BCAS3: variants seen among roughly 807,000 people sequenced by gnomAD.
The protein encoded by BCAS3 is BCAS3 microtubule associated cell migration factor.
A neutral mutation model predicts 116.1 loss-of-function variants in BCAS3; 53 were observed. The ratio of observed to expected loss-of-function variants is 0.46; its 90% CI spans 0.37 to 0.57. The LOEUF is 0.57. Among genes scored for constraint, BCAS3 ranks in the 20% least tolerant of loss-of-function variants. The probability of loss-of-function intolerance (pLI) is 0.00; values close to 1 mark genes in which losing one functional copy is unlikely to be tolerated. For synonymous variants in BCAS3, 391 were observed against 408.2 expected, an observed-to-expected ratio of 0.96 and a Z score of 0.51; for missense variants, 917 against 1,165.4, an observed-to-expected ratio of 0.79 and a Z score of 3.10.
At chr17:60,695,848 C>G (rs1177734056) in intron 4 of BCAS3, among the ~76,000 whole-genome samples, 2 of 152,154 alleles carry the variant, frequency 1.3e-5, no homozygotes, top group Non-Finnish European at 2.9e-5. Context: ...ATCCTCCTGC[C>G]TCAGCCTCCT....
At chr17:60,679,618 C>G in intron 2 of BCAS3, 78 bp downstream of exon 2, 3 of 1,173,258 alleles carry the variant, frequency 2.6e-6, no homozygotes, top group Non-Finnish European at 3.8e-6. Flanking sequence ...TCTTTATGAA[C>G]AGTGGTTACT....
intron 22 of BCAS3, among the ~76,000 whole-genome samples, chr17:61,133,681 A>G (rs895181491): frequency 6.6e-6 from 1 of 152,130 alleles, no homozygotes; most frequent in African/African-American, 2.4e-5. Context: ...CTGGCTTCAA[A>G]CAGGCATATT....
intron 11 of BCAS3, among the ~76,000 whole-genome samples, chr17:60,904,079 T>TG (rs1428388328): frequency 2.6e-5 from 4 of 152,170 alleles, no homozygotes; most frequent in Non-Finnish European, 5.9e-5. Flanking sequence ...GCTGTGGACA[T>TG]GCTGGAGTGA....
chr17:61,186,836 A>G lies in BCAS3; in HGVS notation c.2425+102272A>G, dbSNP rs12942843. ...CGCCATTCTCTTGCCTCAGCCTCCCAAGTAGCTGGGAGTACAGGCACCCGC... is the reference window on the plus strand; with the variant it reads ...CGCCATTCTCTTGCCTCAGCCTCCCGAGTAGCTGGGAGTACAGGCACCCGC... On this transcript the variant is annotated intron_variant, in intron 22 of 23. Transcript: ENST00000407086. This position sits in a 1 kb window ranked among gnomAD's most constrained non-coding sequence, Gnocchi z 4.9. Among the ~76,000 whole-genome samples, 107,507 of 151,730 alleles carry G rather than the reference A, an allele frequency of 0.71. 39,109 individuals are homozygous for G. The highest frequency in any genetic ancestry group is 0.87 in the South Asian group (4,180 of 4,814).
chr17:61,139,722 T>C lies in BCAS3; in HGVS notation c.2425+55158T>C, dbSNP rs905615696. Among the ~76,000 whole-genome samples, 2 of 152,204 alleles carry C rather than the reference T, an allele frequency of 1.3e-5. No individual in the cohort carries two copies. Among genetic ancestry groups the C allele is most frequent in the African/African-American group, 4.8e-5 (2 of 41,452 alleles). On this transcript the variant is annotated intron_variant, in intron 22 of 23. Transcript: ENST00000407086. This position sits in a 1 kb window ranked among gnomAD's most constrained non-coding sequence, Gnocchi z 4.7. ...TAAAAAATGAAGAAGGCATGCTCCC[T>C]GGCCCCCAGAAACTTGGAATTCAGT... is the stretch of plus-strand genomic sequence containing the variant.
intron 12 of BCAS3, among the ~76,000 whole-genome samples, chr17:60,911,358 G>C (rs186108131): frequency 6.6e-6 from 1 of 152,180 alleles, no homozygotes; most frequent in Non-Finnish European, 1.5e-5. Context: ...GAGTGCAGTG[G>C]CACGATCTTG....
chr17:61,165,759 T>A (rs1483670024), intron 22 of BCAS3, among the ~76,000 whole-genome samples: 4 of 152,216 alleles, frequency 2.6e-5, no homozygotes, highest in Admixed American at 2.0e-4. Context: ...GTTATCCTAC[T>A]ATTTTTTCAA....
chr17:61,380,124 C>T lies in BCAS3; in HGVS notation c.2593+11630C>T. 4.1e-6 allele frequency: 1 copy of T among 241,654 alleles called. No individual in the cohort carries two copies. Among genetic ancestry groups the T allele is most frequent in the South Asian group, 5.8e-5 (1 of 17,226 alleles). 15.0% of individuals were successfully genotyped at this position (241,654 alleles called of 1,614,324 possible). On this transcript the variant is annotated intron_variant, in intron 23 of 23. Transcript: ENST00000407086. The surrounding 1 kb of genome is among the most constrained non-coding windows in gnomAD (Gnocchi z 4.2). Reference sequence around the variant, plus strand: ...TCTAAGCAGCCCAACCACACACTGCCATGCAGCTTTGAACTTCAGACCTGG... The same window carrying T: ...TCTAAGCAGCCCAACCACACACTGCTATGCAGCTTTGAACTTCAGACCTGG...
Position 61,087,923 on chromosome 17 carries a change from C to A in BCAS3, c.2425+3359C>A, listed in dbSNP as rs1158891876. Among the ~76,000 whole-genome samples, 3 of 152,170 alleles carry A rather than the reference C, an allele frequency of 2.0e-5. No homozygotes were observed. The highest frequency in any genetic ancestry group is 4.8e-5 in the African/African-American group (2 of 41,430). On this transcript the variant is annotated intron_variant, in intron 22 of 23. Transcript: ENST00000407086. The surrounding 1 kb of genome is among the most constrained non-coding windows in gnomAD (Gnocchi z 4.6). ...ACCAGCTGGGCGCAGTGGATCACAACTATAATCCTAGCACTTTGGGAGGCC... is the reference window on the plus strand; with the variant it reads ...ACCAGCTGGGCGCAGTGGATCACAAATATAATCCTAGCACTTTGGGAGGCC...
intron 22 of BCAS3, among the ~76,000 whole-genome samples, chr17:61,170,023 T>A (rs892574547): frequency 1.3e-5 from 2 of 151,456 alleles, no homozygotes; most frequent in Non-Finnish European, 2.9e-5. Context: ...CCTGGCTGAT[T>A]TTTGTATTTT....
chr17:60,741,563 G>A (rs184637487), intron 5 of BCAS3, among the ~76,000 whole-genome samples: 115 of 152,246 alleles, frequency 7.6e-4, no homozygotes, highest in Non-Finnish European at 1.6e-3. Flanking sequence ...CCCTCATGGA[G>A]GGCCATTATA....
rs571673793 is a variant in BCAS3 at position 61,095,591 on chromosome 17, C to T, written c.2425+11027C>T. On this transcript the variant is annotated intron_variant, in intron 22 of 23. Transcript: ENST00000407086. The surrounding 1 kb of genome is among the most constrained non-coding windows in gnomAD (Gnocchi z 4.7). ...AAGTGCTTCTCCTGCCTCAGCCTCCCGAGTAGCTGGGACTCCAGGCATGCA... is the reference window on the plus strand; with the variant it reads ...AAGTGCTTCTCCTGCCTCAGCCTCCTGAGTAGCTGGGACTCCAGGCATGCA... Among the ~76,000 whole-genome samples, 65 of 151,998 alleles carry T rather than the reference C, an allele frequency of 4.3e-4. No individual in the cohort carries two copies. Among genetic ancestry groups the T allele is most frequent in the African/African-American group, 1.4e-3 (60 of 41,458 alleles).
chr17:61,007,854 G>C lies in BCAS3; in HGVS notation c.1487-7897G>C, dbSNP rs996377316. Among the ~76,000 whole-genome samples the C allele has an allele frequency of 3.3e-5, 5 of 152,080 alleles. No homozygotes were observed. The highest frequency in any genetic ancestry group is 1.2e-4 in the African/African-American group (5 of 41,420). ...ACTTTTTACTCAAAGAAAGCAACAA[G>C]TGTTTTTGCTTGAAATGCATCAAAA... On this transcript the variant is annotated intron_variant, in intron 15 of 23. Transcript: ENST00000407086. This position sits in a 1 kb window ranked among gnomAD's most constrained non-coding sequence, Gnocchi z 4.3.
chr17:61,217,873 AAC>A lies in BCAS3; in HGVS notation c.2425+133311_2425+133312del, dbSNP rs1232632509. Among the ~76,000 whole-genome samples the A allele has an allele frequency of 1.3e-5, 2 of 152,080 alleles. No individual in the cohort carries two copies. The highest frequency in any genetic ancestry group is 4.8e-5 in the African/African-American group (2 of 41,412). On this transcript the variant is annotated intron_variant, in intron 22 of 23. Transcript: ENST00000407086. The surrounding 1 kb of genome is among the most constrained non-coding windows in gnomAD (Gnocchi z 5.2). The stretch of plus-strand genomic sequence containing the variant: ...GAAAAGCGTCGGACTTCTCTGTAAC[AAC>A]AGTCTTGGTGGCTGACTTTGTTGCT...
intron 23 of BCAS3, among the ~76,000 whole-genome samples, chr17:61,373,222 T>TC (rs2059140925): frequency 6.6e-6 from 1 of 150,900 alleles, no homozygotes. Flanking sequence ...CCCGAGTAAC[T>TC]GGGACTCAGA....
Position 60,994,031 on chromosome 17 carries a change from T to A in BCAS3, c.1486+3796T>A, listed in dbSNP as rs1055167106. On this transcript the variant is annotated intron_variant, in intron 15 of 23. Transcript: ENST00000407086. This position sits in a 1 kb window ranked among gnomAD's most constrained non-coding sequence, Gnocchi z 4.4. Reference sequence around the variant, plus strand: ...GAACAGGATAGGAAAAAAATTTACATCTTTATATTCACTATCCTTTAACCA... The same window carrying A: ...GAACAGGATAGGAAAAAAATTTACAACTTTATATTCACTATCCTTTAACCA... 7.9e-5 allele frequency among the ~76,000 whole-genome samples: 12 copies of A among 152,296 alleles called. No individual in the cohort carries two copies. Among genetic ancestry groups the A allele is most frequent in the African/African-American group, 2.9e-4 (12 of 41,562 alleles).
At position 61,063,982 on chromosome 17, in the gene BCAS3, T is replaced by C. The variant is rs1455763562; in HGVS notation, c.2030-10938T>C. ...GGTAAAGCATCAATAATTTCACCAT[T>C]CTTCTACCCAAGCTTGACTGTAAAT... On this transcript the variant is annotated intron_variant, in intron 19 of 23. Coordinates refer to ENST00000407086, the MANE Select transcript of BCAS3 (RefSeq NM_017679.5). This position sits in a 1 kb window ranked among gnomAD's most constrained non-coding sequence, Gnocchi z 5.3. Among the ~76,000 whole-genome samples, 2 of 152,236 alleles carry C rather than the reference T, an allele frequency of 1.3e-5. No homozygotes were observed. Among genetic ancestry groups the C allele is most frequent in the Non-Finnish European group, 2.9e-5 (2 of 68,042 alleles).
chr17:60,889,886 G>A (rs2057017898), intron 10 of BCAS3, 115 bp downstream of exon 10: 1 of 939,730 alleles, frequency 1.1e-6, no homozygotes, highest in South Asian at 1.7e-5. Context: ...TTACTTACTA[G>A]TTCATTTGCT....
At position 61,151,477 on chromosome 17, in the gene BCAS3, T is replaced by C. The variant is rs112525897; in HGVS notation, c.2425+66913T>C. ...ACATCTCTTTCATTCAACGTTTTCT[T>C]TTTTTTTTGAGATAGGGTTTCACTC... is the stretch of plus-strand genomic sequence containing the variant. On this transcript the variant is annotated intron_variant, in intron 22 of 23. Coordinates refer to ENST00000407086, the MANE Select transcript of BCAS3 (RefSeq NM_017679.5). The surrounding 1 kb of genome is among the most constrained non-coding windows in gnomAD (Gnocchi z 4.8). 1.3e-3 allele frequency among the ~76,000 whole-genome samples: 163 copies of C among 129,754 alleles called. No individual in the cohort carries two copies. The highest frequency in any genetic ancestry group is 7.3e-3 in the African/African-American group (156 of 21,456). The allele number at this position is 129,754 out of a possible 152,430, so 85.1% of individuals were successfully genotyped here. A position where few individuals can be genotyped will look rare whatever the true frequency, so the allele number is the denominator to read the frequency against.
Sources: allele counts gnomAD v4.1 joint callset (sites outside exome capture counted in the v4.1 genomes callset), GRCh38; gene constraint gnomAD v4.1.1; non-coding constraint Gnocchi (gnomAD v3.1); transcripts MANE v1.5; gene names NCBI Gene and HGNC (gene_info 2026-07-23, HGNC 2026-07-21).